The following NELL1 variants were observed in gnomAD, a reference collection of about 807,000 sequenced individuals.
The protein encoded by NELL1 is neural EGFL like 1, also known as protein kinase C-binding protein NELL1.
Under a neutral mutation model 107.4 loss-of-function variants are expected in NELL1, and 76 were observed. That is an observed-to-expected ratio of 0.71 (90% CI 0.59 to 0.86). NELL1 has a LOEUF of 0.86. Ranked by LOEUF, NELL1 falls within the 40% of genes least tolerant of loss-of-function variation. The pLI is 0.00. For synonymous variants in NELL1, 353 were observed against 341.2 expected (o/e 1.03, Z -0.38); for missense variants, 1,024 against 1,005.5 (o/e 1.02, Z -0.25).
At chr11:20,769,060 G>A (rs1010915351) in intron 2 of NELL1, among the ~76,000 whole-genome samples, 1 of 152,082 alleles carries the variant, frequency 6.6e-6, no homozygotes, top group African/African-American at 2.4e-5. Context: ...GATAGAGAGA[G>A]AAAACGACAA....
At chr11:21,428,828 T>C (rs961253358) in intron 15 of NELL1, among the ~76,000 whole-genome samples, 1 of 152,180 alleles carries the variant, frequency 6.6e-6, no homozygotes, top group African/African-American at 2.4e-5. Flanking sequence ...TTAGGTGACC[T>C]AGGAGTTCTG....
At chr11:21,221,319 C>G (rs1857751074) in intron 13 of NELL1, among the ~76,000 whole-genome samples, 1 of 152,102 alleles carries the variant, frequency 6.6e-6, no homozygotes, top group Non-Finnish European at 1.5e-5. Context: ...CTGTATTAAT[C>G]AGGGATATTG....
At chr11:20,843,428 C>T (rs1375440498) in intron 3 of NELL1, among the ~76,000 whole-genome samples, 4 of 151,818 alleles carry the variant, frequency 2.6e-5, no homozygotes, top group Non-Finnish European at 5.9e-5. Context: ...AAATGTTTTA[C>T]CTTTACTTGT....
intron 15 of NELL1, among the ~76,000 whole-genome samples, chr11:21,421,026 C>A (rs1207939364): frequency 1.3e-5 from 2 of 151,846 alleles, no homozygotes; most frequent in African/African-American, 4.8e-5. Context: ...AAAAGAGAGA[C>A]AATGTAGACA....
chr11:21,470,117 A>G (rs1264132660), intron 15 of NELL1, among the ~76,000 whole-genome samples: 1 of 152,046 alleles, frequency 6.6e-6, no homozygotes, highest in Non-Finnish European at 1.5e-5. Flanking sequence ...TCTTACCACT[A>G]CCTTACGAGG....
chr11:21,317,369 T>C (rs1849901245), intron 14 of NELL1, among the ~76,000 whole-genome samples: 1 of 4,410 alleles, frequency 2.3e-4, no homozygotes, highest in African/African-American at 9.3e-4. Flanking sequence ...TGTTTCATTG[T>C]TATAGATTTT....
intron 13 of NELL1, among the ~76,000 whole-genome samples, chr11:21,146,540 A>G: frequency 6.6e-6 from 1 of 152,184 alleles, no homozygotes; most frequent in East Asian, 1.9e-4. Flanking sequence ...AGAAACTGGG[A>G]AGAATTACTC....
chr11:21,572,508 T>TA (rs1857122798), intron 18 of NELL1, among the ~76,000 whole-genome samples: 2 of 151,884 alleles, frequency 1.3e-5, no homozygotes, highest in African/African-American at 4.8e-5. Flanking sequence ...TGCCATAGAT[T>TA]ATAATTCATG....
intron 18 of NELL1, 23 bp downstream of exon 18, chr11:21,570,963 G>C (rs1857088845): frequency 8.7e-6 from 14 of 1,601,876 alleles, no homozygotes; most frequent in Non-Finnish European, 1.2e-5. Flanking sequence ...CCTTTATAAG[G>C]TGTTGAGCCT....
At chr11:21,550,894 T>A (rs1345854760) in intron 16 of NELL1, among the ~76,000 whole-genome samples, 1 of 151,706 alleles carries the variant, frequency 6.6e-6, no homozygotes, top group African/African-American at 2.4e-5. Context: ...ATTGGTAGCT[T>A]GATGGGGATG....
intron 3 of NELL1, among the ~76,000 whole-genome samples, chr11:20,843,317 C>T (rs894056356): frequency 1.3e-5 from 2 of 152,094 alleles, no homozygotes; most frequent in African/African-American, 4.8e-5. Flanking sequence ...GGAATGTAAG[C>T]AGGTACTGCA....
intron 15 of NELL1, among the ~76,000 whole-genome samples, chr11:21,452,004 G>A (rs978533865): frequency 1.3e-5 from 2 of 152,200 alleles, no homozygotes; most frequent in African/African-American, 2.4e-5. Context: ...TTTAAATTTC[G>A]TTCAGTACTA....
chr11:21,541,370 C>CA (rs1487123800), intron 16 of NELL1, among the ~76,000 whole-genome samples: 2 of 152,088 alleles, frequency 1.3e-5, no homozygotes, highest in African/African-American at 4.8e-5. Context: ...CCATGGTCAC[C>CA]ATGCAAAGCA....
chr11:21,522,598 ATTAC>A (rs1246026889), intron 15 of NELL1, among the ~76,000 whole-genome samples: 1 of 151,836 alleles, frequency 6.6e-6, no homozygotes, highest in African/African-American at 2.4e-5. Context: ...ATGATGAGAA[ATTAC>A]TTAACTGGGT....
At chr11:21,024,754 T>A (rs1020477367) in intron 12 of NELL1, among the ~76,000 whole-genome samples, 2 of 152,172 alleles carry the variant, frequency 1.3e-5, no homozygotes, top group African/African-American at 4.8e-5. Flanking sequence ...GTTTATTCAA[T>A]AATTTCCAAG....
At chr11:21,232,157 A>ATATATATATATATATAT (rs1284072980) in intron 14 of NELL1, among the ~76,000 whole-genome samples, 6 of 51,036 alleles carry the variant, frequency 1.2e-4, no homozygotes, top group Admixed American at 4.2e-4. Context: ...TAAAAAAAAA[A>ATATATATATATATATAT]AAATATATAT....
At chr11:21,070,388 T>G (rs1004062664) in intron 12 of NELL1, among the ~76,000 whole-genome samples, 1 of 151,834 alleles carries the variant, frequency 6.6e-6, no homozygotes, top group Non-Finnish European at 1.5e-5. Flanking sequence ...TAATCTAGAG[T>G]TTTTTATACT....
chr11:20,733,283 C>T (rs1171813017), intron 2 of NELL1, among the ~76,000 whole-genome samples: 1 of 152,164 alleles, frequency 6.6e-6, no homozygotes, highest in Non-Finnish European at 1.5e-5. Context: ...TCCTTAGGTA[C>T]TTGGCCTAAT....
intron 2 of NELL1, among the ~76,000 whole-genome samples, chr11:20,702,581 T>C (rs921864492): frequency 2.0e-5 from 3 of 152,068 alleles, no homozygotes; most frequent in African/African-American, 7.3e-5. Context: ...CATCCCTCTC[T>C]TGTGCCAGTT....
Sources: gnomAD v4.1 joint callset for allele counts (sites outside exome capture counted in the v4.1 genomes callset) on GRCh38, gnomAD v4.1.1 for gene constraint, MANE v1.5 for transcripts, NCBI Gene and HGNC (gene_info 2026-07-23, HGNC 2026-07-21) for gene names.